FBXL20: variants seen among roughly 807,000 people sequenced by gnomAD.
The protein encoded by FBXL20 is F-box and leucine rich repeat protein 20.
A neutral mutation model predicts 64.0 loss-of-function variants in FBXL20; 11 were observed. The ratio of observed to expected loss-of-function variants is 0.17; its 90% CI spans 0.11 to 0.28. The LOEUF (loss-of-function observed/expected upper bound fraction) is 0.28, where lower values mean the gene tolerates loss of function less well. Ranked by LOEUF, FBXL20 falls within the 10% of genes least tolerant of loss-of-function variation. The pLI is 1.00. For synonymous variants in FBXL20, 184 were observed against 189.0 expected (o/e 0.97, Z 0.22); for missense variants, 303 against 526.2 (o/e 0.58, Z 4.15).
At chr17:39,359,168 C>CA (rs1470041526) in intron 1 of FBXL20, among the ~76,000 whole-genome samples, 5 of 151,754 alleles carry the variant, frequency 3.3e-5, no homozygotes, top group Non-Finnish European at 7.4e-5. Flanking sequence ...CCCATATCTA[C>CA]AAAAAAAATA....
In FBXL20 at chr17:39,393,117, T is replaced by C. The variant is rs2048150270; in HGVS notation, c.42+8244A>G. 3.3e-5 allele frequency among the ~76,000 whole-genome samples: 5 copies of C among 151,776 alleles called. No homozygotes were observed. The South Asian group carries it at 1.0e-3, about 32-fold the overall frequency. On this transcript the variant is annotated intron_variant, in intron 1 of 14. Coordinates refer to ENST00000264658, the MANE Select transcript of FBXL20 (RefSeq NM_032875.3). ...CAGCCTGGCCAAAATGGCAAAACCC[T>C]ATCTCTACTAAAAATAAAAAAATTA...
rs191052599 is a variant in FBXL20, at chr17:39,315,325, C to T, written c.105-11686G>A. Among the ~76,000 whole-genome samples the T allele has an allele frequency of 5.3e-5, 8 of 150,824 alleles. No individual in the cohort carries two copies. In the South Asian group the frequency reaches 1.0e-3, roughly 20 times the overall value. On this transcript the variant is annotated intron_variant, in intron 2 of 14. Transcript: ENST00000264658. ...TTTCACGTGCTTATTGAAAGCAGTA[C>T]GCTTTTAGTAAGGTTTTCACAAACT... is the stretch of plus-strand genomic sequence containing the variant.
Position 39,367,339 on chromosome 17 carries a change from T to TA in FBXL20, c.43-24099dup, listed in dbSNP as rs1450399768. Among the ~76,000 whole-genome samples, 13 of 150,304 alleles carry TA rather than the reference T, an allele frequency of 8.6e-5. No homozygotes were observed. The East Asian group carries it at 1.9e-3, about 22-fold the overall frequency. ...CTTTTCTTTTTTTTTTTTTTGGAGA[T>TA]AGAGTCTCACTCTGTTGCCTAGGCT... is the stretch of plus-strand genomic sequence containing the variant. On this transcript the variant is annotated intron_variant, in intron 1 of 14. Coordinates refer to ENST00000264658, the MANE Select transcript of FBXL20 (RefSeq NM_032875.3).
rs1395362453 is a variant in FBXL20 at position 39,401,586 on chromosome 17, G to T, written c.-184C>A. On this transcript the variant is annotated 5_prime_UTR_variant, in exon 1 of 15. Coordinates refer to ENST00000264658, the MANE Select transcript of FBXL20 (RefSeq NM_032875.3). Reference sequence around the variant, plus strand: ...GGCCTCCACCACCTCCCGCGGCGCCGGCGGCCGCAACGACTGCTCGTCGCT... The same window carrying T: ...GGCCTCCACCACCTCCCGCGGCGCCTGCGGCCGCAACGACTGCTCGTCGCT... 2.1e-6 allele frequency: 3 copies of T among 1,403,734 alleles called. No homozygotes were observed. Among genetic ancestry groups the T allele is most frequent in the Non-Finnish European group, 2.8e-6 (3 of 1,087,412 alleles). 87.0% of individuals were successfully genotyped at this position (1,403,734 alleles called of 1,614,324 possible). A position where few individuals can be genotyped will look rare whatever the true frequency, so the allele number is the denominator to read the frequency against.
chr17:39,343,128 G>A, intron 2 of FBXL20, 52 bp downstream of exon 2: 1 of 1,358,532 alleles, frequency 7.4e-7, no homozygotes, highest in Non-Finnish European at 1.0e-6. Context: ...TTTTAAACAG[G>A]CAAATATGAC....
intron 2 of FBXL20, among the ~76,000 whole-genome samples, chr17:39,322,092 A>C (rs2047361580): frequency 6.7e-6 from 1 of 150,074 alleles, no homozygotes; most frequent in African/African-American, 2.5e-5. Flanking sequence ...CTGGAAGGCC[A>C]AGGCAGGAGG....
intron 8 of FBXL20, 87 bp from the exon 9 acceptor site, chr17:39,281,550 A>T: frequency 9.1e-7 from 1 of 1,097,442 alleles, no homozygotes. Context: ...TCATTCATAC[A>T]TTCTAATACA....
chr17:39,339,069 G>C (rs766435814), intron 2 of FBXL20, among the ~76,000 whole-genome samples: 3 of 151,004 alleles, frequency 2.0e-5, no homozygotes, highest in Non-Finnish European at 2.9e-5. Flanking sequence ...TCAGGAGGAC[G>C]AGGCAGGAGA....
intron 2 of FBXL20, among the ~76,000 whole-genome samples, chr17:39,331,539 G>A (rs1325044709): frequency 1.3e-5 from 2 of 152,086 alleles, no homozygotes; most frequent in African/African-American, 4.8e-5. Context: ...AATGCCCTAG[G>A]CAAAACCTCT....
At chr17:39,284,852 G>A (rs1212384186) in intron 7 of FBXL20, among the ~76,000 whole-genome samples, 1 of 152,206 alleles carries the variant, frequency 6.6e-6, no homozygotes, top group African/African-American at 2.4e-5. Flanking sequence ...AGCTCAGAAA[G>A]GTTGTGTTTG....
chr17:39,336,968 TCCTCTC>T (rs932647765), intron 2 of FBXL20, among the ~76,000 whole-genome samples: 11 of 151,468 alleles, frequency 7.3e-5, no homozygotes, highest in African/African-American at 1.7e-4. Context: ...CTCCTCTCCC[TCCTCTC>T]CCTCTCCCTC....
chr17:39,367,130 G>A (rs1317006267), intron 1 of FBXL20, among the ~76,000 whole-genome samples: 1 of 151,936 alleles, frequency 6.6e-6, no homozygotes, highest in Non-Finnish European at 1.5e-5. Context: ...AGATCTGCCT[G>A]CCTCAGCCTC....
rs1459693623 is a variant in FBXL20, at chr17:39,265,251, C to T, written c.990+146G>A. On this transcript the variant is annotated intron_variant, in intron 13 of 14. Transcript: ENST00000264658. The stretch of plus-strand genomic sequence containing the variant: ...ATCTGTTTCCTACTTCACTCATGTA[C>T]TCCTTTGGTTCTCAGTAAGCTGGCA... 1.4e-5 allele frequency: 8 copies of T among 583,996 alleles called. No homozygotes were observed. In the Admixed American group the frequency reaches 1.7e-4, roughly 12 times the overall value. 36.2% of individuals were successfully genotyped at this position (583,996 alleles called of 1,614,324 possible). A position where few individuals can be genotyped will look rare whatever the true frequency, so the allele number is the denominator to read the frequency against.
chr17:39,261,321 T>C lies in FBXL20; in HGVS notation c.*139A>G. On this transcript the variant is annotated 3_prime_UTR_variant, in exon 15 of 15. Coordinates refer to ENST00000264658, the MANE Select transcript of FBXL20 (RefSeq NM_032875.3). The stretch of plus-strand genomic sequence containing the variant: ...GTGTGTATGTGTATGTATGTGTGGC[T>C]CTGGGGATCTGGACACTGCCCTCCC... 1.4e-6 allele frequency: 1 copy of C among 722,022 alleles called. No homozygotes were observed. The highest frequency in any genetic ancestry group is 2.6e-5 in the East Asian group (1 of 39,134). The allele number at this position is 722,022 out of a possible 1,614,324, so 44.7% of individuals were successfully genotyped here. A position where few individuals can be genotyped will look rare whatever the true frequency, so the allele number is the denominator to read the frequency against.
chr17:39,377,192 C>T (rs1029671346), intron 1 of FBXL20, among the ~76,000 whole-genome samples: 1 of 152,134 alleles, frequency 6.6e-6, no homozygotes, highest in Non-Finnish European at 1.5e-5. Flanking sequence ...TTTTGCAGAC[C>T]CTGCACTTGA....
chr17:39,337,677 C>A (rs1304128960), intron 2 of FBXL20, among the ~76,000 whole-genome samples: 6 of 151,766 alleles, frequency 4.0e-5, no homozygotes, highest in Non-Finnish European at 8.8e-5. Context: ...TGGCAACCGC[C>A]CCGTCTGAGA....
intron 1 of FBXL20, among the ~76,000 whole-genome samples, chr17:39,348,084 G>GTTT (rs2047651430): frequency 8.8e-6 from 1 of 113,658 alleles, no homozygotes; most frequent in African/African-American, 5.6e-5. Context: ...GGTTGGGTTC[G>GTTT]TCTTTTTTTT....
intron 2 of FBXL20, among the ~76,000 whole-genome samples, chr17:39,309,052 TA>T (rs932011491): frequency 2.6e-5 from 4 of 152,138 alleles, no homozygotes; most frequent in Non-Finnish European, 5.9e-5. Context: ...GATTCCTTAT[TA>T]AAAAGTTCCA....
rs1318832271 is a variant in FBXL20 at position 39,259,117 on chromosome 17, A to C, written c.*2343T>G. On this transcript the variant is annotated 3_prime_UTR_variant, in exon 15 of 15. Transcript: ENST00000264658. ...TGCCTTCTAAATCAATGGATAAATA[A>C]ATCAGACTTTATTCTTATATATGCT... The C allele has an allele frequency of 6.6e-6, 1 of 152,122 alleles. No individual in the cohort carries two copies. 9.4% of individuals were successfully genotyped at this position (152,122 alleles called of 1,614,324 possible). A position where few individuals can be genotyped will look rare whatever the true frequency, so the allele number is the denominator to read the frequency against.
Sources: gnomAD v4.1 joint callset for allele counts (sites outside exome capture counted in the v4.1 genomes callset) on GRCh38, gnomAD v4.1.1 for gene constraint, MANE v1.5 for transcripts, NCBI Gene and HGNC (gene_info 2026-07-23, HGNC 2026-07-21) for gene names.